The following TAFA4 variants were observed in gnomAD, a reference collection of about 807,000 sequenced individuals.
The protein encoded by TAFA4 is TAFA chemokine like family member 4, also known as chemokine-like protein TAFA-4.
Under a neutral mutation model 21.1 loss-of-function variants are expected in TAFA4, and 20 were observed. The ratio of observed to expected loss-of-function variants is 0.95; its 90% CI spans 0.67 to 1.38. The LOEUF (loss-of-function observed/expected upper bound fraction) is 1.38, where lower values mean the gene tolerates loss of function less well. Among genes scored for constraint, TAFA4 ranks in the 40% most tolerant of loss-of-function variants. TAFA4 has a pLI of 0.00. For missense variants in TAFA4, 211 were observed against 180.9 expected (o/e 1.17, Z -0.95); for synonymous variants, 71 against 67.4 (o/e 1.05, Z -0.26).
chr3:68,804,585 G>C (rs555455701), intron 3 of TAFA4, among the ~76,000 whole-genome samples: 3 of 152,128 alleles, frequency 2.0e-5, no homozygotes, highest in African/African-American at 2.4e-5. Context: ...AAACAGCATG[G>C]TACTGGTACC....
chr3:68,771,085 G>A (rs1702948328), intron 3 of TAFA4, among the ~76,000 whole-genome samples: 1 of 151,980 alleles, frequency 6.6e-6, no homozygotes, highest in South Asian at 2.1e-4. Context: ...CCTGTGTCCA[G>A]GGAAAAATCA....
intron 3 of TAFA4, among the ~76,000 whole-genome samples, chr3:68,776,822 A>G (rs1703057365): frequency 6.6e-6 from 1 of 152,202 alleles, no homozygotes; most frequent in African/African-American, 2.4e-5. Flanking sequence ...AACACAATTT[A>G]ATTAAATTAG....
At chr3:68,808,473 T>TA (rs1022690497) in intron 3 of TAFA4, among the ~76,000 whole-genome samples, 13 of 152,264 alleles carry the variant, frequency 8.5e-5, no homozygotes, top group South Asian at 2.1e-4. Flanking sequence ...CAACCTACCT[T>TA]AAAAAAATAA....
At chr3:68,791,688 C>T (rs1047524693) in intron 3 of TAFA4, among the ~76,000 whole-genome samples, 1 of 152,134 alleles carries the variant, frequency 6.6e-6, no homozygotes, top group Non-Finnish European at 1.5e-5. Context: ...CATACTGTGC[C>T]TCACTCTCTT....
intron 3 of TAFA4, among the ~76,000 whole-genome samples, chr3:68,860,662 T>A (rs1269041057): frequency 6.6e-6 from 1 of 152,202 alleles, no homozygotes; most frequent in Non-Finnish European, 1.5e-5. Context: ...TGGGTTGCAG[T>A]TATGTTTTTG....
chr3:68,742,280 G>A (rs1243907576), intron 4 of TAFA4, among the ~76,000 whole-genome samples: 2 of 152,156 alleles, frequency 1.3e-5, no homozygotes, highest in Non-Finnish European at 2.9e-5. Context: ...ATTCAATAGA[G>A]TACCAAAAGT....
intron 3 of TAFA4, among the ~76,000 whole-genome samples, chr3:68,861,902 A>T (rs2106924118): frequency 6.6e-6 from 1 of 152,142 alleles, no homozygotes; most frequent in East Asian, 1.9e-4. Context: ...GGGAGAGGGG[A>T]TATTGCCACA....
intron 3 of TAFA4, among the ~76,000 whole-genome samples, chr3:68,762,093 A>G (rs1441156943): frequency 1.3e-5 from 2 of 151,856 alleles, no homozygotes; most frequent in Non-Finnish European, 2.9e-5. Context: ...TGTATCTAGT[A>G]TTAAAGCCAT....
Position 68,907,661 on chromosome 3 carries a change from G to A in TAFA4, c.-122-22351C>T, listed in dbSNP as rs17048143. Among the ~76,000 whole-genome samples, 584 of 152,230 alleles carry A rather than the reference G, an allele frequency of 3.8e-3. 6 individuals carry two copies. Among genetic ancestry groups the A allele is most frequent in the African/African-American group, 0.014 (563 of 41,554 alleles). ...TTCAGGGAAGTGAGATCCAAAATAA[G>A]GTACCACGATTGTCAGAGTGCCTGC... On this transcript the variant is annotated intron_variant, in intron 1 of 5. Transcript: ENST00000295569.
chr3:68,771,922 C>T (rs1266590259), intron 3 of TAFA4, among the ~76,000 whole-genome samples: 1 of 152,148 alleles, frequency 6.6e-6, no homozygotes, highest in Non-Finnish European at 1.5e-5. Context: ...AGAATTGCTT[C>T]TTCAAAAACA....
At chr3:68,920,958 C>T (rs996829912) in intron 1 of TAFA4, among the ~76,000 whole-genome samples, 11 of 152,178 alleles carry the variant, frequency 7.2e-5, no homozygotes, top group African/African-American at 2.4e-4. Context: ...GTCTGCCACT[C>T]AACTTGGAAA....
chr3:68,780,719 CA>C (rs1270822450), intron 3 of TAFA4, among the ~76,000 whole-genome samples: 4 of 152,152 alleles, frequency 2.6e-5, no homozygotes, highest in African/African-American at 9.7e-5. Flanking sequence ...TCTTTATCAG[CA>C]GCATGAAAAC....
At chr3:68,808,293 C>A (rs915533584) in intron 3 of TAFA4, among the ~76,000 whole-genome samples, 4 of 152,136 alleles carry the variant, frequency 2.6e-5, no homozygotes, top group Admixed American at 1.3e-4. Context: ...CCTCAACCGT[C>A]CCACCTGAGT....
At chr3:68,896,964 C>T (rs986284148) in intron 1 of TAFA4, among the ~76,000 whole-genome samples, 7 of 152,208 alleles carry the variant, frequency 4.6e-5, no homozygotes, top group African/African-American at 7.2e-5. Flanking sequence ...AGTACAATGG[C>T]GCGATCTTGG....
chr3:68,797,793 G>C (rs1431306201), intron 3 of TAFA4, among the ~76,000 whole-genome samples: 1 of 152,018 alleles, frequency 6.6e-6, no homozygotes, highest in African/African-American at 2.4e-5. Context: ...GGCTGAGGGT[G>C]ACGAATACCA....
In TAFA4 at chr3:68,750,598, C is replaced by A. The variant is rs554801251; in HGVS notation, c.286+2265G>T. 3.3e-5 allele frequency among the ~76,000 whole-genome samples: 5 copies of A among 152,092 alleles called. No individual in the cohort carries two copies. The South Asian group carries it at 8.3e-4, about 25-fold the overall frequency. ...ATGCAGTTACTTCTAGGGTGGTGGC[C>A]AAAGGGGATTTGCCCATACATACAA... On this transcript the variant is annotated intron_variant, in intron 4 of 5. Coordinates refer to ENST00000295569, the MANE Select transcript of TAFA4 (RefSeq NM_182522.5).
intron 3 of TAFA4, among the ~76,000 whole-genome samples, chr3:68,773,663 AG>A (rs1702998926): frequency 6.6e-6 from 1 of 152,200 alleles, no homozygotes; most frequent in South Asian, 2.1e-4. Context: ...CCTATCACTC[AG>A]CAAATTCCAA....
At chr3:68,861,030 A>ACCCCCCCCCCCC (rs113804738) in intron 3 of TAFA4, among the ~76,000 whole-genome samples, 27 of 111,112 alleles carry the variant, frequency 2.4e-4, no homozygotes, top group Middle Eastern at 4.7e-3. Flanking sequence ...TTAAATATGC[A>ACCCCCCCCCCCC]CCCCCCCCCC....
chr3:68,916,965 T>G (rs185058297), intron 1 of TAFA4, among the ~76,000 whole-genome samples: 107 of 152,326 alleles, frequency 7.0e-4, no homozygotes, highest in Non-Finnish European at 1.1e-3. Flanking sequence ...TAGTCCTGAT[T>G]CTGTACAGCT....
Sources: gnomAD v4.1 joint callset for allele counts (sites outside exome capture counted in the v4.1 genomes callset) on GRCh38, gnomAD v4.1.1 for gene constraint, MANE v1.5 for transcripts, NCBI Gene and HGNC (gene_info 2026-07-23, HGNC 2026-07-21) for gene names.